Variants in ADAM18 observed in about 807,000 individuals in gnomAD.
ADAM18 encodes ADAM metallopeptidase domain 18.
In ADAM18, 117 loss-of-function variants were observed where a neutral mutation model predicts 94.4. The observed-to-expected ratio is 1.24, with a 90% CI of 1.07 to 1.45. The LOEUF (loss-of-function observed/expected upper bound fraction) is 1.45. ADAM18 is among the 40% of genes most tolerant of loss of function. ADAM18 has a pLI of 0.00. For missense variants in ADAM18, 936 were observed against 880.0 expected, an observed-to-expected ratio of 1.06 and a Z score of -0.81; for synonymous variants, 327 against 291.6, an observed-to-expected ratio of 1.12 and a Z score of -1.24.
chr8:39,667,866 T>C lies in ADAM18; in HGVS notation c.1327-132T>C, dbSNP rs1821034287. 5 of 881,484 alleles carry C rather than the reference T, an allele frequency of 5.7e-6. No homozygotes were observed. The East Asian group carries it at 1.0e-4, about 18-fold the overall frequency. The allele number at this position is 881,484 out of a possible 1,614,324, so 54.6% of individuals were successfully genotyped here. On this transcript the variant is annotated intron_variant, in intron 13 of 19. Transcript: ENST00000265707. ...CTGTATTTGATTTTTTTTGGCAAAC[T>C]CACGGACTTGGGAACTCTGGTGTTC...
intron 2 of ADAM18, among the ~76,000 whole-genome samples, chr8:39,595,725 T>C (rs985137264): frequency 2.6e-5 from 4 of 152,102 alleles, no homozygotes; most frequent in Admixed American, 6.5e-5. Flanking sequence ...GGTTTCACCA[T>C]GTTGGCCAGG....
intron 10 of ADAM18, among the ~76,000 whole-genome samples, chr8:39,639,675 CTTGA>C (rs1483462647): frequency 3.3e-5 from 5 of 151,960 alleles, no homozygotes; most frequent in African/African-American, 4.8e-5. Flanking sequence ...GTTCAATTGC[CTTGA>C]TTGTGTGCCT....
At chr8:39,590,472 T>A (rs1420934615) in intron 2 of ADAM18, among the ~76,000 whole-genome samples, 1 of 152,012 alleles carries the variant, frequency 6.6e-6, no homozygotes, top group Non-Finnish European at 1.5e-5. Context: ...CATTGGGAGA[T>A]CTACCTAATG....
chr8:39,587,020 A>G lies in ADAM18; in HGVS notation c.132+1668A>G, dbSNP rs1222633243. On this transcript the variant is annotated intron_variant, in intron 2 of 19. Transcript: ENST00000265707. ...TTATTTATATGGAATTCTTGAAGCT[A>G]TATTTTATTGTATAGGGTATTATTT... 2.6e-5 allele frequency among the ~76,000 whole-genome samples: 4 copies of G among 152,276 alleles called. No homozygotes were observed. The East Asian group carries it at 5.8e-4, about 22-fold the overall frequency.
At chr8:39,711,777 G>C (rs953640548) in intron 18 of ADAM18, among the ~76,000 whole-genome samples, 1 of 151,934 alleles carries the variant, frequency 6.6e-6, no homozygotes, top group Non-Finnish European at 1.5e-5. Context: ...CCACTACCAA[G>C]TGGAACAACA....
chr8:39,660,323 A>T (rs902810863), intron 12 of ADAM18, among the ~76,000 whole-genome samples: 7 of 152,186 alleles, frequency 4.6e-5, no homozygotes, highest in Non-Finnish European at 2.9e-5. Context: ...TGGATTTTTT[A>T]AAAAGATTAA....
chr8:39,605,109 C>T (rs1026261587), intron 2 of ADAM18, among the ~76,000 whole-genome samples: 1 of 152,172 alleles, frequency 6.6e-6, no homozygotes, highest in African/African-American at 2.4e-5. Flanking sequence ...AGCCTGTGTG[C>T]TCCTTTTTCT....
Position 39,695,388 on chromosome 8 carries a change from C to T in ADAM18, c.1902+2708C>T, listed in dbSNP as rs1029944218. Among the ~76,000 whole-genome samples, 4 of 151,362 alleles carry T rather than the reference C, an allele frequency of 2.6e-5. No individual in the cohort carries two copies. In the South Asian group the frequency reaches 8.3e-4, roughly 31 times the overall value. On this transcript the variant is annotated intron_variant, in intron 17 of 19. Coordinates refer to ENST00000265707, the MANE Select transcript of ADAM18 (RefSeq NM_014237.3). The stretch of plus-strand genomic sequence containing the variant: ...ATGAGAGTTCTTGTGGCTTGACATA[C>T]TCACCAGCATTTGGTGTTTTCAGCG...
At chr8:39,648,558 A>ATT (rs759923646) in intron 12 of ADAM18, 31 bp downstream of exon 12, 1 of 1,561,948 alleles carries the variant, frequency 6.4e-7, no homozygotes, top group Non-Finnish European at 8.7e-7. Context: ...CTCGAGCACA[A>ATT]TTTTTATGTT....
chr8:39,612,087 T>C (rs1308164002), intron 6 of ADAM18, among the ~76,000 whole-genome samples: 1 of 150,798 alleles, frequency 6.6e-6, no homozygotes, highest in Non-Finnish European at 1.5e-5. Flanking sequence ...TGAATGTAAA[T>C]GAATTATACT....
intron 16 of ADAM18, among the ~76,000 whole-genome samples, chr8:39,686,474 C>T (rs1821608265): frequency 6.6e-6 from 1 of 152,142 alleles, no homozygotes; most frequent in African/African-American, 2.4e-5. Flanking sequence ...TATTAAGGCG[C>T]TAATCTCATT....
chr8:39,596,325 T>G (rs187830737), intron 2 of ADAM18, among the ~76,000 whole-genome samples: 1 of 152,198 alleles, frequency 6.6e-6, no homozygotes, highest in Non-Finnish European at 1.5e-5. Flanking sequence ...CTTTGTGCTC[T>G]ACCTAATCAT....
intron 17 of ADAM18, 51 bp downstream of exon 17, chr8:39,692,731 A>G: frequency 7.0e-7 from 1 of 1,434,888 alleles, no homozygotes; most frequent in East Asian, 2.3e-5. Flanking sequence ...GGTAATTCAA[A>G]TAAACATCTG....
chr8:39,671,583 G>T (rs1448383398), intron 14 of ADAM18, among the ~76,000 whole-genome samples: 1 of 152,162 alleles, frequency 6.6e-6, no homozygotes, highest in African/African-American at 2.4e-5. Flanking sequence ...ATTGGGAGAA[G>T]AATGGGACCT....
At chr8:39,586,793 T>C (rs879455679) in intron 2 of ADAM18, among the ~76,000 whole-genome samples, 2 of 136,114 alleles carry the variant, frequency 1.5e-5, no homozygotes, top group Admixed American at 1.5e-4. Flanking sequence ...TCTATCTATC[T>C]ATCTATCTAT....
intron 14 of ADAM18, among the ~76,000 whole-genome samples, chr8:39,674,454 T>G (rs1432857871): frequency 6.6e-6 from 1 of 152,206 alleles, no homozygotes; most frequent in Non-Finnish European, 1.5e-5. Context: ...CCCTGCTTTT[T>G]TTTGCTTTCC....
chr8:39,628,685 A>G (rs1467128100), intron 6 of ADAM18, among the ~76,000 whole-genome samples: 3 of 152,092 alleles, frequency 2.0e-5, no homozygotes, highest in African/African-American at 4.8e-5. Flanking sequence ...AAGTTTCTAT[A>G]TGTGAGAAGG....
intron 15 of ADAM18, among the ~76,000 whole-genome samples, chr8:39,678,714 A>G (rs1480683360): frequency 6.6e-6 from 1 of 152,188 alleles, no homozygotes; most frequent in Non-Finnish European, 1.5e-5. Flanking sequence ...TGAAAAAAAG[A>G]TAAAAGAAAC....
At chr8:39,671,009 C>A (rs1040510892) in intron 14 of ADAM18, among the ~76,000 whole-genome samples, 1 of 152,198 alleles carries the variant, frequency 6.6e-6, no homozygotes, top group African/African-American at 2.4e-5. Flanking sequence ...GGATTTGCAT[C>A]CCAGTTTGAA....
Sources: allele counts gnomAD v4.1 joint callset (sites outside exome capture counted in the v4.1 genomes callset), GRCh38; gene constraint gnomAD v4.1.1; transcripts MANE v1.5; gene names NCBI Gene and HGNC (gene_info 2026-07-23, HGNC 2026-07-21).